The following PEX5L variants were observed in gnomAD, a reference collection of about 807,000 sequenced individuals.
The protein encoded by PEX5L is PEX5-related protein.
PEX5L carries 30 observed loss-of-function variants against 84.0 expected under a neutral mutation model. The observed-to-expected ratio is 0.36, with a 90% CI of 0.27 to 0.48. The LOEUF (loss-of-function observed/expected upper bound fraction) is 0.48, where lower values mean the gene tolerates loss of function less well. PEX5L is among the 20% of genes least tolerant of loss of function. The pLI is 0.99. For synonymous variants in PEX5L, 270 were observed against 283.1 expected (o/e 0.95, Z 0.46); for missense variants, 533 against 754.6 (o/e 0.71, Z 3.44).
intron 4 of PEX5L, among the ~76,000 whole-genome samples, chr3:179,885,024 AT>A (rs1261761719): frequency 6.3e-5 from 9 of 143,502 alleles, no homozygotes; most frequent in African/African-American, 2.3e-4. Context: ...CGAATTAAAA[AT>A]ATATAATATT....
chr3:179,875,958 A>G (rs1752248471), intron 5 of PEX5L, among the ~76,000 whole-genome samples: 1 of 152,200 alleles, frequency 6.6e-6, no homozygotes, highest in Non-Finnish European at 1.5e-5. Flanking sequence ...AGGAGGTGGG[A>G]ATAAATCAGA....
At chr3:179,932,868 G>GAACACTTAA (rs1200160508) in intron 2 of PEX5L, among the ~76,000 whole-genome samples, 3 of 152,060 alleles carry the variant, frequency 2.0e-5, no homozygotes, top group Non-Finnish European at 2.9e-5. Flanking sequence ...TTTGTGGTTA[G>GAACACTTAA]AACACTTAAA....
intron 2 of PEX5L, among the ~76,000 whole-genome samples, chr3:179,967,840 G>A (rs930478542): frequency 2.0e-5 from 3 of 152,186 alleles, no homozygotes; most frequent in African/African-American, 4.8e-5. Flanking sequence ...AATGCAAATT[G>A]TCAGGCTGCA....
chr3:180,004,997 G>C (rs1433552512), intron 1 of PEX5L, among the ~76,000 whole-genome samples: 1 of 152,126 alleles, frequency 6.6e-6, no homozygotes, highest in Non-Finnish European at 1.5e-5. Context: ...AAATATGTCA[G>C]AGGTTTTAAA....
chr3:179,929,446 T>G (rs1772389007), intron 2 of PEX5L, among the ~76,000 whole-genome samples: 1 of 152,178 alleles, frequency 6.6e-6, no homozygotes, highest in Non-Finnish European at 1.5e-5. Flanking sequence ...TTACATTTAT[T>G]TTACAGTTCA....
chr3:179,820,993 G>T (rs909287282), intron 8 of PEX5L, among the ~76,000 whole-genome samples: 1 of 152,190 alleles, frequency 6.6e-6, no homozygotes, highest in African/African-American at 2.4e-5. Context: ...GATATATAAA[G>T]AAGGCTCACT....
chr3:179,896,501 A>C (rs890309457), intron 3 of PEX5L, among the ~76,000 whole-genome samples: 10 of 152,166 alleles, frequency 6.6e-5, no homozygotes, highest in African/African-American at 1.7e-4. Flanking sequence ...TTCTTTTCTA[A>C]ATTAAAAATC....
At chr3:179,845,089 T>C (rs1364566669) in intron 8 of PEX5L, among the ~76,000 whole-genome samples, 3 of 152,174 alleles carry the variant, frequency 2.0e-5, no homozygotes, top group African/African-American at 7.2e-5. Flanking sequence ...CCTGTACATA[T>C]TTGCATAGCC....
At chr3:179,903,640 C>T (rs1291784812) in intron 2 of PEX5L, among the ~76,000 whole-genome samples, 1 of 152,198 alleles carries the variant, frequency 6.6e-6, no homozygotes, top group Non-Finnish European at 1.5e-5. Context: ...CTGTCATGCA[C>T]AGAAGCAGGA....
At chr3:179,889,289 G>A (rs1044568103) in intron 3 of PEX5L, among the ~76,000 whole-genome samples, 1 of 152,184 alleles carries the variant, frequency 6.6e-6, no homozygotes, top group Non-Finnish European at 1.5e-5. Flanking sequence ...ACTATGGGGA[G>A]AAAGTGCACT....
At chr3:179,990,739 T>C (rs1390733240) in intron 1 of PEX5L, among the ~76,000 whole-genome samples, 1 of 152,172 alleles carries the variant, frequency 6.6e-6, no homozygotes, top group Non-Finnish European at 1.5e-5. Flanking sequence ...TTAGTACCAA[T>C]AATTCCTTGA....
At chr3:179,977,293 C>T (rs1477456240) in intron 1 of PEX5L, among the ~76,000 whole-genome samples, 1 of 152,076 alleles carries the variant, frequency 6.6e-6, no homozygotes, top group South Asian at 2.1e-4. Flanking sequence ...TTATGATGTT[C>T]CTGGGAATGA....
chr3:179,976,693 C>G (rs934143323), intron 1 of PEX5L, among the ~76,000 whole-genome samples: 1 of 152,204 alleles, frequency 6.6e-6, no homozygotes, highest in African/African-American at 2.4e-5. Context: ...CCACCTCAGC[C>G]TCCCAAAGTG....
chr3:179,877,464 T>G (rs936901412), intron 5 of PEX5L, among the ~76,000 whole-genome samples: 1 of 152,170 alleles, frequency 6.6e-6, no homozygotes, highest in African/African-American at 2.4e-5. Flanking sequence ...TATATTAATA[T>G]ATTCTTTTTT....
At chr3:179,917,910 C>T (rs902533578) in intron 2 of PEX5L, among the ~76,000 whole-genome samples, 3 of 152,144 alleles carry the variant, frequency 2.0e-5, no homozygotes, top group Non-Finnish European at 2.9e-5. Context: ...CCACCTGCCT[C>T]GGCCTCCCAA....
intron 2 of PEX5L, among the ~76,000 whole-genome samples, chr3:179,942,415 G>A (rs570132130): frequency 1.0e-3 from 157 of 152,372 alleles, no homozygotes; most frequent in African/African-American, 3.3e-3. Context: ...ACAACACTGC[G>A]GGACCGCGGA....
At position 179,809,584 on chromosome 3, in the gene PEX5L, G is replaced by C. The variant is rs537658188; in HGVS notation, c.1239C>G (p.Ala413=). The part of the protein sequence containing the change: ...SYTNTGHQQD[A]CDALKNWIKQ... ...TAATCCAATTCTTCAGAGCGTCACAGGCATCCTGCTGATGGCCAGTGTTAG... is the reference window on the plus strand; with the variant it reads ...TAATCCAATTCTTCAGAGCGTCACACGCATCCTGCTGATGGCCAGTGTTAG... The change falls in exon 12 of 15, where the codon GCC becomes GCG. Residue 413 remains alanine (A), a synonymous_variant. Coordinates refer to ENST00000467460, the MANE Select transcript of PEX5L (RefSeq NM_016559.3). 8.1e-6 allele frequency: 13 copies of C among 1,613,762 alleles called. No individual in the cohort carries two copies. In the South Asian group the frequency reaches 1.4e-4, roughly 18 times the overall value.
intron 7 of PEX5L, among the ~76,000 whole-genome samples, chr3:179,863,656 T>A (rs1747049288): frequency 6.6e-6 from 1 of 152,138 alleles, no homozygotes; most frequent in Non-Finnish European, 1.5e-5. Context: ...TATTAGGATG[T>A]CTGTTATCGA....
intron 1 of PEX5L, among the ~76,000 whole-genome samples, chr3:179,988,040 C>T (rs1787014903): frequency 6.6e-6 from 1 of 152,106 alleles, no homozygotes; most frequent in Non-Finnish European, 1.5e-5. Context: ...CGATCTTTCA[C>T]ATTGTTAATC....
Sources: gnomAD v4.1 joint callset for allele counts (sites outside exome capture counted in the v4.1 genomes callset) on GRCh38, gnomAD v4.1.1 for gene constraint, MANE v1.5 for transcripts, NCBI Gene and HGNC (gene_info 2026-07-23, HGNC 2026-07-21) for gene names.